Variants in PAPSS1 observed in about 807,000 individuals in gnomAD.
PAPSS1 encodes the protein bifunctional 3'-phosphoadenosine 5'-phosphosulfate synthase 1.
PAPSS1 carries 50 observed loss-of-function variants against 72.0 expected under a neutral mutation model. The observed-to-expected ratio is 0.69, with a 90% confidence interval of 0.55 to 0.88. PAPSS1 has a LOEUF of 0.88. Ranked by LOEUF, PAPSS1 falls within the 40% of genes least tolerant of loss-of-function variation. The probability of loss-of-function intolerance (pLI) is 0.00; values close to 1 mark genes in which losing one functional copy is unlikely to be tolerated. For missense variants in PAPSS1, 657 were observed against 782.2 expected (o/e 0.84, Z 1.91); for synonymous variants, 261 against 263.6 (o/e 0.99, Z 0.09).
At chr4:107,693,216 CTG>C (rs907394015) in intron 3 of PAPSS1, among the ~76,000 whole-genome samples, 1 of 152,100 alleles carries the variant, frequency 6.6e-6, no homozygotes, top group African/African-American at 2.4e-5. Context: ...TCAGCTGACA[CTG>C]TGAAAACAGG....
chr4:107,672,087 G>A (rs1460663975), intron 5 of PAPSS1, among the ~76,000 whole-genome samples: 6 of 152,208 alleles, frequency 3.9e-5, no homozygotes, highest in African/African-American at 7.2e-5. Flanking sequence ...GGAGGTGGGT[G>A]GTGCCAAGAT....
At chr4:107,677,839 T>C (rs1258952762) in intron 5 of PAPSS1, among the ~76,000 whole-genome samples, 20 of 152,210 alleles carry the variant, frequency 1.3e-4, no homozygotes, top group African/African-American at 4.6e-4. Context: ...ATATACACCG[T>C]GGAATACTAT....
intron 1 of PAPSS1, among the ~76,000 whole-genome samples, chr4:107,715,739 A>G (rs1723622057): frequency 6.6e-6 from 1 of 152,246 alleles, no homozygotes; most frequent in Non-Finnish European, 1.5e-5. Context: ...ACAAAGGCAC[A>G]TACAAAGTTT....
At chr4:107,662,601 A>G (rs971748320) in intron 5 of PAPSS1, among the ~76,000 whole-genome samples, 1 of 135,174 alleles carries the variant, frequency 7.4e-6, no homozygotes, top group South Asian at 2.2e-4. Context: ...CCACATATAG[A>G]AAAAAAAAAA....
intron 9 of PAPSS1, among the ~76,000 whole-genome samples, chr4:107,650,280 G>GA (rs1205092760): frequency 6.6e-6 from 1 of 152,088 alleles, no homozygotes; most frequent in Non-Finnish European, 1.5e-5. Context: ...TATAAAAATG[G>GA]AAAAAATAAA....
At chr4:107,651,650 T>G (rs1328222015) in intron 9 of PAPSS1, among the ~76,000 whole-genome samples, 2 of 152,046 alleles carry the variant, frequency 1.3e-5, no homozygotes, top group African/African-American at 4.8e-5. Flanking sequence ...TCACACCTTG[T>G]GAGAACTTAC....
chr4:107,618,580 C>G (rs891824816), intron 11 of PAPSS1, among the ~76,000 whole-genome samples: 5 of 151,660 alleles, frequency 3.3e-5, no homozygotes, highest in African/African-American at 1.2e-4. Context: ...AAAGAGGAAA[C>G]AGAAGGTGGT....
At chr4:107,635,034 G>A (rs1261297911) in intron 10 of PAPSS1, among the ~76,000 whole-genome samples, 3 of 152,046 alleles carry the variant, frequency 2.0e-5, no homozygotes, top group Non-Finnish European at 4.4e-5. Flanking sequence ...TCCTGACCTT[G>A]TGATCCGCCC....
intron 6 of PAPSS1, among the ~76,000 whole-genome samples, chr4:107,659,567 A>T (rs1301365035): frequency 1.3e-5 from 2 of 152,186 alleles, no homozygotes; most frequent in Non-Finnish European, 2.9e-5. Flanking sequence ...TCTTAACAAT[A>T]TAAGACAGAG....
At chr4:107,619,184 A>G (rs1295801121) in intron 11 of PAPSS1, among the ~76,000 whole-genome samples, 1 of 152,198 alleles carries the variant, frequency 6.6e-6, no homozygotes, top group African/African-American at 2.4e-5. Context: ...GACCAATTAA[A>G]GTCCTTTCTT....
intron 5 of PAPSS1, among the ~76,000 whole-genome samples, chr4:107,672,612 G>A (rs957607657): frequency 2.6e-5 from 4 of 152,210 alleles, no homozygotes; most frequent in African/African-American, 9.6e-5. Flanking sequence ...AAGGAGGCCT[G>A]CCTGCCTCTG....
At chr4:107,681,075 T>C (rs912543709) in intron 5 of PAPSS1, among the ~76,000 whole-genome samples, 1 of 152,112 alleles carries the variant, frequency 6.6e-6, no homozygotes, top group Admixed American at 6.6e-5. Flanking sequence ...GAAATTTTTT[T>C]AAAGTTGTAT....
At chr4:107,684,869 C>T (rs1722731710) in intron 4 of PAPSS1, among the ~76,000 whole-genome samples, 1 of 152,186 alleles carries the variant, frequency 6.6e-6, no homozygotes, top group African/African-American at 2.4e-5. Flanking sequence ...GTGTCACGGG[C>T]CATGGTCAAT....
rs928573470 is a variant in PAPSS1, at chr4:107,682,403, T to A, written c.551-270A>T. ...ATAGGCTGCAATAAGAATAATTGTTTATGGTTTGAGAACTAAAACCAGAAG... is the reference window on the plus strand; with the variant it reads ...ATAGGCTGCAATAAGAATAATTGTTAATGGTTTGAGAACTAAAACCAGAAG... On this transcript the variant is annotated intron_variant, in intron 4 of 11. Coordinates refer to ENST00000265174, the MANE Select transcript of PAPSS1 (RefSeq NM_005443.5). Among the ~76,000 whole-genome samples, 4 of 152,304 alleles carry A rather than the reference T, an allele frequency of 2.6e-5. No individual in the cohort carries two copies. The East Asian group carries it at 5.8e-4, about 22-fold the overall frequency.
intron 6 of PAPSS1, among the ~76,000 whole-genome samples, chr4:107,659,377 T>G (rs1727109865): frequency 6.6e-6 from 1 of 152,218 alleles, no homozygotes; most frequent in Admixed American, 6.5e-5. Context: ...TAACTTCTAG[T>G]CCAAATACTT....
Position 107,693,944 on chromosome 4 carries a change from C to G in PAPSS1, c.238G>C (p.Gly80Arg). The G allele has an allele frequency of 1.2e-6, 2 of 1,613,814 alleles. No homozygotes were observed. The highest frequency in any genetic ancestry group is 1.7e-6 in the Non-Finnish European group (2 of 1,179,862). Residue 80 changes from glycine (G) to arginine (R), a missense_variant, in exon 3 of 12, where the codon GGT (glycine) becomes CGT (arginine). By Grantham distance (125) the Gly-to-Arg change is moderately radical (BLOSUM62 -2). Around this residue, in one of 7 missense-constraint regions of PAPSS1, gnomAD observed 119 missense variants for 171.1 expected, o/e 0.70. Coordinates refer to ENST00000265174, the MANE Select transcript of PAPSS1 (RefSeq NM_005443.5). ...MALEEYLVCH[G>R]IPCYTLDGDN... ...CCATCCAGAGTGTAGCATGGAATAC[C>G]ATGACAAACCAGGTACTCCTCCAAG...
chr4:107,665,841 G>A (rs545121718), intron 5 of PAPSS1, among the ~76,000 whole-genome samples: 1 of 152,226 alleles, frequency 6.6e-6, no homozygotes, highest in South Asian at 2.1e-4. Context: ...CCTGGACACT[G>A]GCAGGCAGGG....
chr4:107,637,148 A>G (rs928154589), intron 10 of PAPSS1, among the ~76,000 whole-genome samples: 3 of 152,218 alleles, frequency 2.0e-5, no homozygotes, highest in Admixed American at 6.5e-5. Context: ...TTACCTCCAC[A>G]CACATTTATA....
chr4:107,691,705 G>A (rs1371336827), intron 3 of PAPSS1, among the ~76,000 whole-genome samples: 2 of 152,024 alleles, frequency 1.3e-5, no homozygotes, highest in Non-Finnish European at 2.9e-5. Context: ...TGTGACCTTG[G>A]GCAATGCACA....
Sources: allele counts gnomAD v4.1 joint callset (sites outside exome capture counted in the v4.1 genomes callset), GRCh38; gene constraint gnomAD v4.1.1; regional missense constraint gnomAD v4.1.1; transcripts MANE v1.5; gene names NCBI Gene and HGNC (gene_info 2026-07-23, HGNC 2026-07-21).